The following HS2ST1 variants were observed in gnomAD, a reference collection of about 807,000 sequenced individuals.
HS2ST1 encodes heparan sulfate 2-O-sulfotransferase 1, also known as 2-O-sulfotransferase.
A neutral mutation model predicts 42.9 loss-of-function variants in HS2ST1; 18 were observed. The ratio of observed to expected loss-of-function variants is 0.42; its 90% confidence interval spans 0.29 to 0.62. HS2ST1 has a LOEUF of 0.62. HS2ST1 is among the 20% of genes least tolerant of loss of function. HS2ST1 has a pLI of 0.21. For missense variants in HS2ST1, 334 were observed against 433.8 expected, an observed-to-expected ratio of 0.77 and a Z score of 2.04; for synonymous variants, 146 against 152.9, an observed-to-expected ratio of 0.95 and a Z score of 0.33.
intron 3 of HS2ST1, among the ~76,000 whole-genome samples, chr1:87,090,549 A>C (rs1332896437): frequency 6.6e-6 from 1 of 151,968 alleles, no homozygotes; most frequent in Non-Finnish European, 1.5e-5. Flanking sequence ...AGCACATAGA[A>C]CTGTATGCTA....
At chr1:86,977,208 T>C (rs1648445571) in intron 1 of HS2ST1, among the ~76,000 whole-genome samples, 1 of 152,206 alleles carries the variant, frequency 6.6e-6, no homozygotes, top group Non-Finnish European at 1.5e-5. Flanking sequence ...ACATGATGGA[T>C]ATTAACTCCA....
rs751712697 is a variant in HS2ST1, at chr1:87,073,182, A to G, written c.363+10A>G. 3.9e-6 allele frequency: 6 copies of G among 1,546,962 alleles called. No homozygotes were observed. The highest frequency in any genetic ancestry group is 1.1e-5 in the South Asian group (1 of 89,602). On this transcript the variant is annotated intron_variant, in intron 2 of 6. Transcript: ENST00000370550. ...GTCATTGCAAGATCAGGTAATTACC[A>G]CTTAAGGAATGCCCAAATATTTTCT...
intron 1 of HS2ST1, chr1:86,993,022 C>G: frequency 6.4e-7 from 1 of 1,550,812 alleles, no homozygotes; most frequent in Middle Eastern, 1.7e-4. Context: ...GGGGAGGGTA[C>G]CTCTCACAGA....
intron 1 of HS2ST1, among the ~76,000 whole-genome samples, chr1:86,916,959 A>G (rs1010033374): frequency 6.6e-6 from 1 of 152,306 alleles, no homozygotes; most frequent in Middle Eastern, 3.4e-3. Context: ...CCATAGACAC[A>G]ATCTGAATGA....
At chr1:87,067,908 T>C (rs1239117178) in intron 1 of HS2ST1, among the ~76,000 whole-genome samples, 1 of 152,212 alleles carries the variant, frequency 6.6e-6, no homozygotes, top group Non-Finnish European at 1.5e-5. Context: ...GAGGCCTCTG[T>C]TCTGCTCCAT....
chr1:86,948,551 C>T (rs1423829096), intron 1 of HS2ST1, among the ~76,000 whole-genome samples: 1 of 152,118 alleles, frequency 6.6e-6, no homozygotes, highest in Non-Finnish European at 1.5e-5. Flanking sequence ...ACTTAATGAC[C>T]AGAATTGTGG....
chr1:87,007,215 T>G (rs192099807), intron 1 of HS2ST1, among the ~76,000 whole-genome samples: 1 of 152,098 alleles, frequency 6.6e-6, no homozygotes, highest in Non-Finnish European at 1.5e-5. Flanking sequence ...TAGTTTTTTT[T>G]AAAAAGTTTA....
intron 1 of HS2ST1, among the ~76,000 whole-genome samples, chr1:86,966,822 A>G (rs1277649175): frequency 6.6e-6 from 1 of 151,924 alleles, no homozygotes; most frequent in East Asian, 1.9e-4. Context: ...TGTTTTTAAC[A>G]TTTTGACCCA....
intron 1 of HS2ST1, among the ~76,000 whole-genome samples, chr1:87,034,947 G>T (rs915294713): frequency 1.3e-5 from 2 of 152,136 alleles, no homozygotes; most frequent in African/African-American, 4.8e-5. Context: ...GTAATTTCAA[G>T]TATCCTTATA....
intron 1 of HS2ST1, among the ~76,000 whole-genome samples, chr1:86,951,799 CA>C (rs1647528170): frequency 6.6e-6 from 1 of 152,232 alleles, no homozygotes; most frequent in Non-Finnish European, 1.5e-5. Flanking sequence ...GCTGCTTTAT[CA>C]ACTATGTTTA....
intron 1 of HS2ST1, among the ~76,000 whole-genome samples, chr1:86,976,996 G>A (rs1036933879): frequency 6.6e-6 from 1 of 151,706 alleles, no homozygotes; most frequent in African/African-American, 2.4e-5. Flanking sequence ...GGATACATGA[G>A]CTATGTTCAC....
At chr1:87,031,923 A>G (rs538024610) in intron 1 of HS2ST1, among the ~76,000 whole-genome samples, 1 of 152,284 alleles carries the variant, frequency 6.6e-6, no homozygotes, top group Non-Finnish European at 1.5e-5. Context: ...GTTTCATTCA[A>G]CCACCATATT....
intron 1 of HS2ST1, among the ~76,000 whole-genome samples, chr1:86,937,514 G>A (rs1660681698): frequency 6.6e-6 from 1 of 152,108 alleles, no homozygotes; most frequent in Non-Finnish European, 1.5e-5. Flanking sequence ...TGTGACTTAA[G>A]AGTGAGTAAA....
intron 1 of HS2ST1, among the ~76,000 whole-genome samples, chr1:86,966,657 G>A (rs1183827533): frequency 6.6e-6 from 1 of 152,198 alleles, no homozygotes; most frequent in African/African-American, 2.4e-5. Context: ...AGCCCAGGCT[G>A]ATCTTGAACT....
intron 1 of HS2ST1, among the ~76,000 whole-genome samples, chr1:87,019,911 C>T (rs12568972): frequency 1.9e-4 from 29 of 152,282 alleles, no homozygotes; most frequent in Non-Finnish European, 3.7e-4. Context: ...AAAACTTTTT[C>T]TGACTCCCAT....
intron 1 of HS2ST1, among the ~76,000 whole-genome samples, chr1:86,992,739 G>A (rs1195529936): frequency 6.6e-6 from 1 of 152,150 alleles, no homozygotes; most frequent in African/African-American, 2.4e-5. Context: ...TTCATTGGCT[G>A]GGGCCCTTTA....
At chr1:87,080,677 A>T (rs1373723845) in intron 2 of HS2ST1, among the ~76,000 whole-genome samples, 1 of 152,186 alleles carries the variant, frequency 6.6e-6, no homozygotes, top group African/African-American at 2.4e-5. Flanking sequence ...AGAGGATAGG[A>T]AACACAGTCT....
At chr1:87,052,297 G>T (rs915944752) in intron 1 of HS2ST1, among the ~76,000 whole-genome samples, 1 of 152,056 alleles carries the variant, frequency 6.6e-6, no homozygotes, top group African/African-American at 2.4e-5. Context: ...TTAACAATGG[G>T]TAGTGTACAA....
chr1:87,033,526 TG>T (rs1192791117), intron 1 of HS2ST1, among the ~76,000 whole-genome samples: 1 of 148,300 alleles, frequency 6.7e-6, no homozygotes, highest in Non-Finnish European at 1.5e-5. Context: ...TTTAAAGTAG[TG>T]TTTTTTTGTT....
Sources: gnomAD v4.1 joint callset for allele counts (sites outside exome capture counted in the v4.1 genomes callset) on GRCh38, gnomAD v4.1.1 for gene constraint, MANE v1.5 for transcripts, NCBI Gene and HGNC (gene_info 2026-07-23, HGNC 2026-07-21) for gene names.